The following LAMA1 variants were observed in gnomAD, a reference collection of about 807,000 sequenced individuals.
LAMA1 encodes laminin subunit alpha-1.
LAMA1 carries 219 observed loss-of-function variants against 348.7 expected under a neutral mutation model. That is an observed-to-expected ratio of 0.63 (90% CI 0.56 to 0.70). The LOEUF is 0.70. Ranked by LOEUF, LAMA1 falls within the 30% of genes least tolerant of loss-of-function variation. LAMA1 has a pLI of 0.00. For missense variants in LAMA1, 3,744 were observed against 3,888.0 expected, an observed-to-expected ratio of 0.96 and a Z score of 0.99; for synonymous variants, 1,487 against 1,491.0, an observed-to-expected ratio of 1.00 and a Z score of 0.06.
chr18:7,000,520 G>A (rs957683537), intron 30 of LAMA1, among the ~76,000 whole-genome samples: 1 of 152,216 alleles, frequency 6.6e-6, no homozygotes, highest in African/African-American at 2.4e-5. Flanking sequence ...AGGCAGGCAG[G>A]GAGTTATGTG....
In LAMA1 at chr18:6,943,414, T is replaced by C. The variant is rs370421069; in HGVS notation, c.8845-12A>G. 2.9e-5 allele frequency: 46 copies of C among 1,610,676 alleles called. No individual in the cohort carries two copies. In the African/African-American group the frequency reaches 4.7e-4, roughly 16 times the overall value. On this transcript the variant is annotated splice_polypyrimidine_tract_variant and intron_variant, in intron 61 of 62. Transcript: ENST00000389658. ...ACATGGAACAAGACCTAAAAGCAAA[T>C]ATCTTGGTGAGTTTTTGTGTATTTA...
chr18:7,093,013 G>C (rs2058245649), intron 1 of LAMA1, among the ~76,000 whole-genome samples: 1 of 152,206 alleles, frequency 6.6e-6, no homozygotes, highest in Non-Finnish European at 1.5e-5. Context: ...AAGGACGCAA[G>C]CAACATAAAG....
Position 7,023,323 on chromosome 18 carries a change from G to A in LAMA1, c.2542C>T (p.Pro848Ser). 6.2e-7 allele frequency: 1 copy of A among 1,614,188 alleles called. No individual in the cohort carries two copies. The highest frequency in any genetic ancestry group is 8.5e-7 in the Non-Finnish European group (1 of 1,180,044). Reference protein sequence around the residue: ...NPTVPGESCVPCDCSGNVDPS... With the variant: ...NPTVPGESCVSCDCSGNVDPS... ...TCCACGTTGCCGCTGCAGTCACAGG[G>A]AACACAAGATTCGCCAGGCACTGTT... Residue 848 changes from proline (P) to serine (S), a missense_variant, in exon 19 of 63, where the codon CCC (proline) becomes TCC (serine). Physicochemically the swap from Pro to Ser is moderately conservative, Grantham distance 74. Coordinates refer to ENST00000389658, the MANE Select transcript of LAMA1 (RefSeq NM_005559.4).
chr18:7,032,147 A>G lies in LAMA1; in HGVS notation c.2193T>C (p.Asp731=). 1 of 1,614,148 alleles carries G rather than the reference A, an allele frequency of 6.2e-7. No homozygotes were observed. Among genetic ancestry groups the G allele is most frequent in the Non-Finnish European group, 8.5e-7 (1 of 1,179,984 alleles). The part of the protein sequence containing the change: ...ESCLSGYYRV[D]GILFGGICQP... ...GACAAATTCCTCCAAAGAGTATTCC[A>G]TCCACGCGGTAATAGCCAGAGAGGC... The change falls in exon 16 of 63, where the codon GAT becomes GAC. Residue 731 remains aspartate (D), a synonymous_variant. Transcript: ENST00000389658.
chr18:6,973,182 C>A lies in LAMA1; in HGVS notation c.6649G>T (p.Val2217Leu). The change falls in exon 47 of 63, where the codon GTA (valine) becomes TTA (leucine). Residue 2217 changes from valine (V) to leucine (L), a missense_variant. Physicochemically the swap from Val to Leu is conservative, Grantham distance 32. This residue lies in a region of LAMA1 where 1,983 missense variants were observed against 1,934.3 expected (regional missense o/e 1.03). Coordinates refer to ENST00000389658, the MANE Select transcript of LAMA1 (RefSeq NM_005559.4). ...TTTTGATTTGAGCTCATTTCCTTTACACTCAGTGAACCAATGTTTCCAAAT... is the reference window on the plus strand; with the variant it reads ...TTTTGATTTGAGCTCATTTCCTTTAAACTCAGTGAACCAATGTTTCCAAAT... The part of the protein sequence containing the change: ...ARFGNIGSLS[V>L]KEMSSNQKSP... The A allele has an allele frequency of 2.5e-6, 4 of 1,614,122 alleles. No individual in the cohort carries two copies. The highest frequency in any genetic ancestry group is 3.4e-6 in the Non-Finnish European group (4 of 1,179,988).
At chr18:7,037,988 A>AT (rs2058003098) in intron 11 of LAMA1, among the ~76,000 whole-genome samples, 1 of 152,150 alleles carries the variant, frequency 6.6e-6, no homozygotes, top group Admixed American at 6.5e-5. Flanking sequence ...GTATAAGCAA[A>AT]TAAATGAGCA....
intron 29 of LAMA1, among the ~76,000 whole-genome samples, chr18:7,003,449 A>G (rs993396960): frequency 2.0e-5 from 3 of 152,040 alleles, no homozygotes; most frequent in South Asian, 2.1e-4. Context: ...TAGTAGAGAC[A>G]GGATTTCACT....
intron 1 of LAMA1, 71 bp downstream of exon 1, chr18:7,117,589 G>T: frequency 6.6e-7 from 1 of 1,514,926 alleles, no homozygotes; most frequent in Non-Finnish European, 8.9e-7. Flanking sequence ...AACGCGACGG[G>T]CTTTGTCCGC....
At chr18:6,980,254 T>C (rs1398541568) in intron 42 of LAMA1, among the ~76,000 whole-genome samples, 1 of 152,234 alleles carries the variant, frequency 6.6e-6, no homozygotes, top group East Asian at 1.9e-4. Context: ...CAATCCCATT[T>C]CAAAAGTAAG....
intron 3 of LAMA1, among the ~76,000 whole-genome samples, chr18:7,063,092 C>T (rs893881750): frequency 1.3e-5 from 2 of 152,168 alleles, no homozygotes; most frequent in East Asian, 1.9e-4. Flanking sequence ...ATTTACAACA[C>T]CCAGAAACAA....
intron 23 of LAMA1, 134 bp downstream of exon 23, chr18:7,013,681 C>T: frequency 1.3e-6 from 1 of 796,358 alleles, no homozygotes. Flanking sequence ...AGACTTTGAA[C>T]TCAGATGCGG....
intron 23 of LAMA1, among the ~76,000 whole-genome samples, chr18:7,012,773 G>A (rs2057867383): frequency 6.6e-6 from 1 of 150,566 alleles, no homozygotes; most frequent in Admixed American, 6.6e-5. Flanking sequence ...CCAAAGTGCT[G>A]GGATTACAGG....
Position 6,995,447 on chromosome 18 carries a change from C to T in LAMA1, c.4807-1G>A. ...GCATATTTTCTTTTAATAAAGATTC[C>T]TAGGAAGAATGGAGGAAACAAATTA... On this transcript the variant is annotated splice_acceptor_variant, in intron 33 of 62. Transcript: ENST00000389658. LOFTEE classifies it high-confidence loss of function. 6.5e-7 allele frequency: 1 copy of T among 1,541,226 alleles called. No homozygotes were observed. Among genetic ancestry groups the T allele is most frequent in the Non-Finnish European group, 9.0e-7 (1 of 1,113,766 alleles).
chr18:7,050,667 T>A, intron 4 of LAMA1, 27 bp downstream of exon 4: 1 of 1,612,898 alleles, frequency 6.2e-7, no homozygotes, highest in Non-Finnish European at 8.5e-7. Context: ...AGGAAACAGA[T>A]CTTGCTGCAG....
intron 1 of LAMA1, among the ~76,000 whole-genome samples, chr18:7,086,979 C>A (rs933714790): frequency 6.6e-6 from 1 of 152,062 alleles, no homozygotes; most frequent in Non-Finnish European, 1.5e-5. Flanking sequence ...TCAGTGTGCG[C>A]AAGGGTGGAC....
chr18:6,964,607 A>G, intron 51 of LAMA1, 55 bp downstream of exon 51: 1 of 1,601,498 alleles, frequency 6.2e-7, no homozygotes, highest in Non-Finnish European at 8.6e-7. Flanking sequence ...TCTCAGCCCT[A>G]GCAAGCTAAT....
intron 1 of LAMA1, among the ~76,000 whole-genome samples, chr18:7,105,015 G>GA (rs1318999522): frequency 2.0e-5 from 3 of 152,212 alleles, no homozygotes; most frequent in African/African-American, 7.2e-5. Flanking sequence ...ATGTATGTCT[G>GA]AGTGTGACAG....
At chr18:7,007,313 TTAA>T in intron 28 of LAMA1, 37 bp from the exon 29 acceptor site, 2 of 1,601,410 alleles carry the variant, frequency 1.2e-6, no homozygotes, top group Non-Finnish European at 1.7e-6. Flanking sequence ...AAAAGTCTGA[TTAA>T]TGAGTGAGTG....
Position 7,003,255 on chromosome 18 carries a change from G to GT in LAMA1, c.4261-871dup, listed in dbSNP as rs5822938. Among the ~76,000 whole-genome samples the GT allele has an allele frequency of 6.8e-3, 963 of 140,662 alleles. 9 individuals carry two copies. Among genetic ancestry groups the GT allele is most frequent in the South Asian group, 0.026 (116 of 4,398 alleles). The allele number at this position is 140,662 out of a possible 152,430, so 92.3% of individuals were successfully genotyped here. A position where few individuals can be genotyped will look rare whatever the true frequency, so the allele number is the denominator to read the frequency against. ...TAAAAAAGGTACACTTATTTTGGTT[G>GT]TTTTTTTTTTTTTGAGACAGAGTCT... On this transcript the variant is annotated intron_variant, in intron 29 of 62. Transcript: ENST00000389658.
Sources: allele counts gnomAD v4.1 joint callset (sites outside exome capture counted in the v4.1 genomes callset), GRCh38; gene constraint gnomAD v4.1.1; regional missense constraint gnomAD v4.1.1; transcripts MANE v1.5; gene names NCBI Gene and HGNC (gene_info 2026-07-23, HGNC 2026-07-21).